FCHSD2: variants seen among roughly 807,000 people sequenced by gnomAD.
FCHSD2 encodes the protein F-BAR and double SH3 domains protein 2.
A neutral mutation model predicts 108.1 loss-of-function variants in FCHSD2; 38 were observed. The ratio of observed to expected loss-of-function variants is 0.35; its 90% CI spans 0.27 to 0.46. The LOEUF (loss-of-function observed/expected upper bound fraction) is 0.46. FCHSD2 is among the 20% of genes least tolerant of loss of function. The probability of loss-of-function intolerance (pLI) is 1.00; values close to 1 mark genes in which losing one functional copy is unlikely to be tolerated. For missense variants in FCHSD2, 751 were observed against 897.8 expected, an observed-to-expected ratio of 0.84 and a Z score of 2.09; for synonymous variants, 279 against 314.7, an observed-to-expected ratio of 0.89 and a Z score of 1.20.
At chr11:72,926,375 G>A (rs1856076541) in intron 8 of FCHSD2, among the ~76,000 whole-genome samples, 1 of 152,158 alleles carries the variant, frequency 6.6e-6, no homozygotes, top group African/African-American at 2.4e-5. Flanking sequence ...GGTAGAGAGA[G>A]GATGGCATGA....
chr11:72,978,669 T>C (rs972021059), intron 8 of FCHSD2, among the ~76,000 whole-genome samples: 10 of 152,184 alleles, frequency 6.6e-5, no homozygotes, highest in Non-Finnish European at 1.5e-4. Flanking sequence ...TCTCACGATA[T>C]CTGATGGTTT....
At chr11:73,080,295 T>TTAAAAAAA (rs1565400571) in intron 3 of FCHSD2, among the ~76,000 whole-genome samples, 1 of 75,054 alleles carries the variant, frequency 1.3e-5, no homozygotes, top group African/African-American at 5.9e-5. Flanking sequence ...AGACCCTGTC[T>TTAAAAAAA]CAAAAAAAAA....
At chr11:73,090,415 C>T (rs868470924) in intron 2 of FCHSD2, among the ~76,000 whole-genome samples, 2 of 151,778 alleles carry the variant, frequency 1.3e-5, no homozygotes, top group Admixed American at 6.6e-5. Flanking sequence ...TTAGTAGAGA[C>T]GGGGTTTCAC....
intron 2 of FCHSD2, among the ~76,000 whole-genome samples, chr11:73,117,746 C>A (rs1466199865): frequency 6.6e-6 from 1 of 152,162 alleles, no homozygotes; most frequent in African/African-American, 2.4e-5. Context: ...TTAGATTCTG[C>A]CACAAAATTC....
At position 72,902,596 on chromosome 11, in the gene FCHSD2, C is replaced by T. The variant is rs766938793; in HGVS notation, c.871G>A (p.Ala291Thr). ...YNLQLFLQEN[A>T]VFHKPQPFQF... Reference sequence around the variant, plus strand: ...AAGGGCTGGGGTTTGTGAAATACAGCGTTTTCTTGCAAAAACAGCTGAAGA... The same window carrying T: ...AAGGGCTGGGGTTTGTGAAATACAGTGTTTTCTTGCAAAAACAGCTGAAGA... The change falls in exon 10 of 20, where the codon GCT becomes ACT. Residue 291 changes from alanine to threonine, a missense_variant. Physicochemically the swap from Ala to Thr is moderately conservative, Grantham distance 58 (BLOSUM62 0). Coordinates refer to ENST00000409418, the MANE Select transcript of FCHSD2 (RefSeq NM_014824.3). 56 of 1,586,564 alleles carry T rather than the reference C, an allele frequency of 3.5e-5. No homozygotes were observed. The highest frequency in any genetic ancestry group is 3.4e-4 in the East Asian group (15 of 44,252).
chr11:72,964,275 T>C (rs1856865184), intron 8 of FCHSD2, among the ~76,000 whole-genome samples: 1 of 152,244 alleles, frequency 6.6e-6, no homozygotes. Flanking sequence ...TCCAATCTTA[T>C]GTTCTCATCA....
At chr11:72,991,321 C>T (rs1857410074) in intron 5 of FCHSD2, among the ~76,000 whole-genome samples, 1 of 152,070 alleles carries the variant, frequency 6.6e-6, no homozygotes, top group Non-Finnish European at 1.5e-5. Flanking sequence ...GAAACTATTC[C>T]AATCAATAGA....
At position 72,841,357 on chromosome 11, in the gene FCHSD2, AAAAAAAAGC is replaced by A; in HGVS notation, c.2056+88_2056+96del. The A allele has an allele frequency of 2.6e-6, 3 of 1,162,242 alleles. No homozygotes were observed. In the South Asian group the frequency reaches 4.3e-5, roughly 17 times the overall value. The allele number at this position is 1,162,242 out of a possible 1,614,324, so 72.0% of individuals were successfully genotyped here. A position where few individuals can be genotyped will look rare whatever the true frequency, so the allele number is the denominator to read the frequency against. The stretch of plus-strand genomic sequence containing the variant: ...TCTGTCTCCAAAAAAAAAAAAAAAA[AAAAAAAAGC>A]AAATGCAGTTTTTTTTTGCCCTTCA... On this transcript the variant is annotated intron_variant, in intron 18 of 19. Transcript: ENST00000409418.
intron 8 of FCHSD2, among the ~76,000 whole-genome samples, chr11:72,966,625 T>C (rs1003046162): frequency 6.6e-6 from 1 of 152,172 alleles, no homozygotes; most frequent in African/African-American, 2.4e-5. Flanking sequence ...CCTGCATGAA[T>C]ACATTCAACA....
intron 2 of FCHSD2, among the ~76,000 whole-genome samples, chr11:73,085,774 C>A (rs923612529): frequency 8.6e-5 from 13 of 151,392 alleles, no homozygotes; most frequent in African/African-American, 3.1e-4. Context: ...TACCACAAAT[C>A]TGGTATTCTG....
intron 10 of FCHSD2, among the ~76,000 whole-genome samples, chr11:72,890,201 A>T (rs973077402): frequency 6.6e-6 from 1 of 152,228 alleles, no homozygotes; most frequent in Non-Finnish European, 1.5e-5. Flanking sequence ...CTGCAGACTT[A>T]TCTTTTTGGG....
intron 9 of FCHSD2, among the ~76,000 whole-genome samples, chr11:72,910,524 C>T (rs1401925825): frequency 6.6e-6 from 1 of 151,982 alleles, no homozygotes. Flanking sequence ...ATAACCTTAC[C>T]CCCAACCCCA....
intron 11 of FCHSD2, among the ~76,000 whole-genome samples, chr11:72,888,734 C>T (rs1381390430): frequency 6.6e-6 from 1 of 151,710 alleles, no homozygotes; most frequent in African/African-American, 2.4e-5. Context: ...TTCTCCCCAA[C>T]CTTAGCCTCC....
intron 10 of FCHSD2, among the ~76,000 whole-genome samples, chr11:72,896,749 T>C (rs1247474061): frequency 8.3e-6 from 1 of 119,862 alleles, no homozygotes; most frequent in East Asian, 2.4e-4. Context: ...CCTGTAGCAA[T>C]TAGGGGGAAA....
chr11:72,943,934 T>C (rs371886568), intron 8 of FCHSD2, among the ~76,000 whole-genome samples: 1 of 152,350 alleles, frequency 6.6e-6, no homozygotes, highest in African/African-American at 2.4e-5. Flanking sequence ...TCATTATTCA[T>C]TGTGATGCTG....
chr11:72,900,349 A>C, intron 10 of FCHSD2: 1 of 1,522,152 alleles, frequency 6.6e-7, no homozygotes, highest in South Asian at 1.2e-5. Context: ...AAGATTGCAC[A>C]AGGACAAAAA....
chr11:72,854,924 G>C (rs972215736), intron 13 of FCHSD2, among the ~76,000 whole-genome samples: 4 of 151,994 alleles, frequency 2.6e-5, no homozygotes, highest in Admixed American at 2.6e-4. Context: ...GATCACGTAA[G>C]GTCAGGAGTT....
At chr11:72,965,143 AC>A (rs2135377810) in intron 8 of FCHSD2, among the ~76,000 whole-genome samples, 1 of 152,274 alleles carries the variant, frequency 6.6e-6, no homozygotes, top group Non-Finnish European at 1.5e-5. Flanking sequence ...TGCCTGTAGA[AC>A]AATTCTTAAC....
Position 72,843,175 on chromosome 11 carries a change from C to T in FCHSD2, c.1681G>A (p.Gly561Ser). 2 of 1,614,012 alleles carry T rather than the reference C, an allele frequency of 1.2e-6. No homozygotes were observed. The highest frequency in any genetic ancestry group is 1.7e-6 in the Non-Finnish European group (2 of 1,179,904). Residue 561 changes from glycine to serine, a missense_variant, in exon 16 of 20, where the codon GGC becomes AGC. Gly to Ser is a moderately conservative substitution (Grantham distance 56). Transcript: ENST00000409418. ...SNSTEAELVS[G>S]SLNGDASVCF... ...CCACTGGCATCTCCGTTGAGGCTGC[C>T]TGAAACGAGTTCTGCTTCCGTGGAA...
Sources: allele counts gnomAD v4.1 joint callset (sites outside exome capture counted in the v4.1 genomes callset), GRCh38; gene constraint gnomAD v4.1.1; transcripts MANE v1.5; gene names NCBI Gene and HGNC (gene_info 2026-07-23, HGNC 2026-07-21).